AGO2: variants seen among roughly 807,000 people sequenced by gnomAD.
The protein encoded by AGO2 is protein argonaute-2.
Under a neutral mutation model 102.3 loss-of-function variants are expected in AGO2, and 5 were observed. That is an observed-to-expected ratio of 0.05 (90% CI 0.03 to 0.10). AGO2 has a LOEUF of 0.10. AGO2 is among the 10% of genes least tolerant of loss of function. The pLI is 1.00. For missense variants in AGO2, 541 were observed against 1,183.7 expected, an observed-to-expected ratio of 0.46 and a Z score of 7.97; for synonymous variants, 449 against 473.1, an observed-to-expected ratio of 0.95 and a Z score of 0.66.
At chr8:140,583,019 G>A (rs2073581238) in intron 2 of AGO2, among the ~76,000 whole-genome samples, 1 of 152,236 alleles carries the variant, frequency 6.6e-6, no homozygotes, top group Non-Finnish European at 1.5e-5. Flanking sequence ...GGGACCAGGT[G>A]GGGATCTGCC....
intron 1 of AGO2, among the ~76,000 whole-genome samples, chr8:140,627,989 T>TG (rs1373943599): frequency 3.3e-5 from 5 of 152,190 alleles, no homozygotes; most frequent in Admixed American, 2.0e-4. Flanking sequence ...CCCAGGAGGA[T>TG]GCTCCCTGGA....
rs201214398 is a variant in AGO2, at chr8:140,544,307, C to T, written c.1749-4G>A. The T allele has an allele frequency of 2.2e-3, 3,465 of 1,598,266 alleles. 9 individuals carry two copies. Among genetic ancestry groups the T allele is most frequent in the Non-Finnish European group, 2.7e-3 (3,140 of 1,173,772 alleles). On this transcript the variant is annotated splice_region_variant and splice_polypyrimidine_tract_variant and intron_variant, in intron 13 of 18. Coordinates refer to ENST00000220592, the MANE Select transcript of AGO2 (RefSeq NM_012154.5). ...GGGCTGCTGGAACACCGGCGGCCTG[C>T]GGAGAGGAGTGGCGTCAGGGGCCAC...
chr8:140,579,482 G>C (rs923893229), intron 2 of AGO2, among the ~76,000 whole-genome samples: 1 of 152,078 alleles, frequency 6.6e-6, no homozygotes, highest in African/African-American at 2.4e-5. Context: ...TAGAACTACA[G>C]ACACGGTAAT....
At chr8:140,598,183 C>T (rs1318458629) in intron 1 of AGO2, among the ~76,000 whole-genome samples, 4 of 152,212 alleles carry the variant, frequency 2.6e-5, no homozygotes, top group African/African-American at 4.8e-5. Flanking sequence ...CCCACAAGAG[C>T]GTCCACGACC....
At chr8:140,580,156 G>GTT (rs570254201) in intron 2 of AGO2, among the ~76,000 whole-genome samples, 2,189 of 152,372 alleles carry the variant, frequency 0.014, 31 homozygotes, top group Middle Eastern at 0.041. Context: ...CAGCCACCTT[G>GTT]GTGCCCACAG....
chr8:140,575,145 C>T (rs1052793129), intron 2 of AGO2, among the ~76,000 whole-genome samples: 1 of 152,330 alleles, frequency 6.6e-6, no homozygotes, highest in Middle Eastern at 3.4e-3. Flanking sequence ...GCTGGGAGAT[C>T]CAGCCTGGGC....
At chr8:140,565,335 A>G (rs1320622179) in intron 3 of AGO2, among the ~76,000 whole-genome samples, 1 of 149,582 alleles carries the variant, frequency 6.7e-6, no homozygotes, top group East Asian at 2.0e-4. Flanking sequence ...GCTACTGGGG[A>G]GGCTGAGGCA....
At chr8:140,558,933 G>T (rs2073148502) in intron 6 of AGO2, among the ~76,000 whole-genome samples, 1 of 152,176 alleles carries the variant, frequency 6.6e-6, no homozygotes, top group African/African-American at 2.4e-5. Flanking sequence ...CCAGGGGTGG[G>T]CCCCCCATTC....
At chr8:140,607,441 C>A (rs1327288269) in intron 1 of AGO2, among the ~76,000 whole-genome samples, 4 of 142,256 alleles carry the variant, frequency 2.8e-5, no homozygotes, top group Non-Finnish European at 6.1e-5. Context: ...GTCTCACCCC[C>A]ACCTCTTAAA....
Position 140,532,385 on chromosome 8 carries a change from G to A in AGO2, c.2471+31C>T, listed in dbSNP as rs372528919. On this transcript the variant is annotated intron_variant, in intron 18 of 18. Transcript: ENST00000220592. ...AATACCCGTGGCAAAAACCACCCCT[G>A]CTGTGACCTCCAGCCAGGCATGCCA... 1.0e-4 allele frequency: 163 copies of A among 1,596,074 alleles called. 2 individuals carry two copies. The highest frequency in any genetic ancestry group is 2.1e-4 in the Admixed American group (12 of 58,148).
At chr8:140,603,434 C>T (rs994337781) in intron 1 of AGO2, among the ~76,000 whole-genome samples, 2 of 152,334 alleles carry the variant, frequency 1.3e-5, no homozygotes, top group South Asian at 4.1e-4. Flanking sequence ...TGGCCTTTCG[C>T]ACATCCACAC....
intron 16 of AGO2, among the ~76,000 whole-genome samples, chr8:140,538,830 G>A (rs540247675): frequency 6.6e-6 from 1 of 152,356 alleles, no homozygotes; most frequent in South Asian, 2.1e-4. Flanking sequence ...GTGGGGCGCA[G>A]TGGTTCACAC....
intron 1 of AGO2, among the ~76,000 whole-genome samples, chr8:140,619,891 G>A (rs540612268): frequency 2.6e-5 from 4 of 152,308 alleles, no homozygotes; most frequent in South Asian, 2.1e-4. Context: ...TAACATGAAC[G>A]CGGGGGATAA....
chr8:140,559,351 G>C (rs2073158443), intron 6 of AGO2, 44 bp downstream of exon 6: 3 of 1,602,362 alleles, frequency 1.9e-6, no homozygotes, highest in Non-Finnish European at 2.6e-6. Context: ...GACCGGGAAG[G>C]GGCCTCCCAG....
At position 140,626,600 on chromosome 8, in the gene AGO2, T is replaced by G. The variant is rs546525159; in HGVS notation, c.22+8885A>C. 1.1e-4 allele frequency: 17 copies of G among 152,090 alleles called. No homozygotes were observed. The East Asian group carries it at 3.3e-3, about 30-fold the overall frequency. The allele number at this position is 152,090 out of a possible 1,614,324, so 9.4% of individuals were successfully genotyped here. A position where few individuals can be genotyped will look rare whatever the true frequency, so the allele number is the denominator to read the frequency against. The stretch of plus-strand genomic sequence containing the variant: ...AAGAGGAGACTGAGGTTCAGAGAGG[T>G]GAGGTGAGACACCCATCACGTGGCC... On this transcript the variant is annotated intron_variant, in intron 1 of 18. Coordinates refer to ENST00000220592, the MANE Select transcript of AGO2 (RefSeq NM_012154.5).
Position 140,589,260 on chromosome 8 carries a change from G to C in AGO2, c.23-3949C>G, listed in dbSNP as rs2073711404. ...GCCTGCCAGGATTCCCCGCAGACGT[G>C]TACCCTGAGGCGGGGAGAGCAGCTG... On this transcript the variant is annotated intron_variant, in intron 1 of 18. Transcript: ENST00000220592. This position sits in a 1 kb window ranked among gnomAD's most constrained non-coding sequence, Gnocchi z 4.2. Among the ~76,000 whole-genome samples the C allele has an allele frequency of 6.6e-6, 1 of 152,212 alleles. No individual in the cohort carries two copies. Among genetic ancestry groups the C allele is most frequent in the South Asian group, 2.1e-4 (1 of 4,834 alleles).
rs541206008 is a variant in AGO2, at chr8:140,624,855, G to A, written c.22+10630C>T. Among the ~76,000 whole-genome samples the A allele has an allele frequency of 2.1e-4, 32 of 152,306 alleles. No homozygotes were observed. In the East Asian group the frequency reaches 3.7e-3, roughly 17 times the overall value. On this transcript the variant is annotated intron_variant, in intron 1 of 18. Coordinates refer to ENST00000220592, the MANE Select transcript of AGO2 (RefSeq NM_012154.5). ...TGCAATGAGAAACGGGAAACGGGAC[G>A]AGGCTCAAAGAGAAGCAGCATCAAC...
rs947033383 is a variant in AGO2 at position 140,529,544 on chromosome 8, C to T, written c.*2500G>A. The stretch of plus-strand genomic sequence containing the variant: ...TAGGGCTATAAAAAAGTACCCTTTT[C>T]GAAGTACTCTGGCCCACTAAAAATG... On this transcript the variant is annotated 3_prime_UTR_variant, in exon 19 of 19. Coordinates refer to ENST00000220592, the MANE Select transcript of AGO2 (RefSeq NM_012154.5). The T allele has an allele frequency of 1.3e-5, 2 of 152,038 alleles. No individual in the cohort carries two copies. The highest frequency in any genetic ancestry group is 4.8e-5 in the African/African-American group (2 of 41,362). The allele number at this position is 152,038 out of a possible 1,614,324, so 9.4% of individuals were successfully genotyped here. A position where few individuals can be genotyped will look rare whatever the true frequency, so the allele number is the denominator to read the frequency against.
At position 140,539,457 on chromosome 8, in the gene AGO2, A is replaced by G; in HGVS notation, c.2035-3T>C. 1.2e-6 allele frequency: 2 copies of G among 1,611,476 alleles called. No individual in the cohort carries two copies. The highest frequency in any genetic ancestry group is 1.7e-6 in the Non-Finnish European group (2 of 1,178,708). On this transcript the variant is annotated splice_polypyrimidine_tract_variant and splice_region_variant and intron_variant, in intron 15 of 18. Coordinates refer to ENST00000220592, the MANE Select transcript of AGO2 (RefSeq NM_012154.5). This position sits in a 1 kb window ranked among gnomAD's most constrained non-coding sequence, Gnocchi z 4.7. ...GCCAGCAACTCGTGGTGGAGAACCT[A>G]GGGGTACGGGAGGGAGGAGGTTGTG...
Sources: gnomAD v4.1 joint callset for allele counts (sites outside exome capture counted in the v4.1 genomes callset) on GRCh38, gnomAD v4.1.1 for gene constraint, Gnocchi (gnomAD v3.1) non-coding constraint, MANE v1.5 for transcripts, NCBI Gene and HGNC (gene_info 2026-07-23, HGNC 2026-07-21) for gene names.